Variants in PARVB observed in about 807,000 individuals in gnomAD.
The protein encoded by PARVB is beta-parvin.
In PARVB, 46 loss-of-function variants were observed where a neutral mutation model predicts 47.0. The observed-to-expected ratio is 0.98, with a 90% CI of 0.77 to 1.25. PARVB has a LOEUF of 1.25. PARVB is among the 50% of genes most tolerant of loss of function. The pLI is 0.00. For missense variants in PARVB, 473 were observed against 471.6 expected, an observed-to-expected ratio of 1.00 and a Z score of -0.03; for synonymous variants, 196 against 196.3, an observed-to-expected ratio of 1.00 and a Z score of 0.01.
At chr22:44,162,997 C>G (rs1461828173) in intron 11 of PARVB, 4 of 152,408 alleles carry the variant, frequency 2.6e-5, no homozygotes, top group African/African-American at 9.6e-5. Flanking sequence ...GACTTCCGTT[C>G]TGACTGGTCC....
At chr22:44,013,646 T>C (rs916307754) in intron 2 of PARVB, among the ~76,000 whole-genome samples, 6 of 152,190 alleles carry the variant, frequency 3.9e-5, no homozygotes, top group African/African-American at 1.4e-4. Context: ...TGTTCTTTTT[T>C]TTTCTGGATG....
chr22:44,136,181 T>A (rs1275041038), intron 6 of PARVB, among the ~76,000 whole-genome samples: 1 of 151,992 alleles, frequency 6.6e-6, no homozygotes, highest in Non-Finnish European at 1.5e-5. Context: ...CTGGGGTGTT[T>A]CTCCTGAGAC....
At chr22:44,130,627 T>C (rs1325447368) in intron 4 of PARVB, among the ~76,000 whole-genome samples, 1 of 152,178 alleles carries the variant, frequency 6.6e-6, no homozygotes. Context: ...AATGGGAGCC[T>C]CAGGTGTGTG....
chr22:44,062,667 A>C (rs1352268384), intron 1 of PARVB, among the ~76,000 whole-genome samples: 2 of 151,786 alleles, frequency 1.3e-5, no homozygotes, highest in African/African-American at 4.8e-5. Context: ...TCAGGGAAAC[A>C]CTGCATTTGT....
At chr22:44,140,307 T>C in intron 8 of PARVB, 164 bp downstream of exon 8, 1 of 760,312 alleles carries the variant, frequency 1.3e-6, no homozygotes, top group Non-Finnish European at 2.4e-6. Flanking sequence ...CACCCCCACC[T>C]TTCTGTATAA....
intron 1 of PARVB, among the ~76,000 whole-genome samples, chr22:44,073,952 G>A (rs1429902572): frequency 1.3e-5 from 2 of 152,260 alleles, no homozygotes; most frequent in Non-Finnish European, 2.9e-5. Flanking sequence ...TGTGTATTTT[G>A]TGCAGCCATT....
chr22:44,085,280 T>C lies in PARVB; in HGVS notation c.113-8648T>C, dbSNP rs566168512. The stretch of plus-strand genomic sequence containing the variant: ...CCACACCCAGCCTTTGCTGTATTGT[T>C]CTGCAACATGGTTTTCTTTTTCTTT... On this transcript the variant is annotated intron_variant, in intron 1 of 12. Transcript: ENST00000338758. Among the ~76,000 whole-genome samples, 44 of 152,214 alleles carry C rather than the reference T, an allele frequency of 2.9e-4. 1 individual carries two copies. Among genetic ancestry groups the C allele is most frequent in the African/African-American group, 1.0e-3 (43 of 41,478 alleles).
At chr22:44,156,553 A>G (rs1277370939) in intron 10 of PARVB, among the ~76,000 whole-genome samples, 1 of 152,200 alleles carries the variant, frequency 6.6e-6, no homozygotes, top group Non-Finnish European at 1.5e-5. Context: ...CTAGGATTAC[A>G]GGCGTGAGCC....
intron 1 of PARVB, among the ~76,000 whole-genome samples, chr22:44,025,117 C>T (rs531528517): frequency 6.6e-6 from 1 of 152,044 alleles, no homozygotes; most frequent in African/African-American, 2.4e-5. Context: ...CTGGAATTTT[C>T]TGCTTGGGTG....
intron 2 of PARVB, among the ~76,000 whole-genome samples, chr22:44,006,407 C>T (rs766717823): frequency 1.2e-4 from 19 of 152,198 alleles, no homozygotes; most frequent in Non-Finnish European, 1.3e-4. Flanking sequence ...GGGCAGATCA[C>T]GGGGTCAGGA....
intron 1 of PARVB, among the ~76,000 whole-genome samples, chr22:44,076,527 T>C (rs957131837): frequency 3.9e-5 from 6 of 152,226 alleles, no homozygotes; most frequent in Non-Finnish European, 8.8e-5. Flanking sequence ...CAGGAAGTTT[T>C]TCCACAAATA....
At chr22:44,148,060 CA>C in intron 9 of PARVB, 138 bp downstream of exon 9, 1 of 730,854 alleles carries the variant, frequency 1.4e-6, no homozygotes, top group Non-Finnish European at 2.4e-6. Context: ...AATGTAATTA[CA>C]GTCAAAAACC....
intron 2 of PARVB, chr22:43,999,691 A>G (rs988029968): frequency 1.4e-5 from 23 of 1,593,268 alleles, no homozygotes; most frequent in Non-Finnish European, 2.0e-5. Flanking sequence ...TTGGGGGAAA[A>G]ACTGTCAGAA....
At chr22:44,156,922 T>G (rs977045964) in intron 10 of PARVB, among the ~76,000 whole-genome samples, 1 of 152,096 alleles carries the variant, frequency 6.6e-6, no homozygotes, top group South Asian at 2.1e-4. Context: ...TTTGGTAACA[T>G]GAAGAAGTTC....
chr22:44,136,458 A>G lies in PARVB; in HGVS notation c.634-2A>G, dbSNP rs112423258. ...TTTGTATGTTTATTTTGGGGTTTTC[A>G]GAAACGGGAAGGCCTGCTGCATTCC... On this transcript the variant is annotated splice_acceptor_variant, in intron 6 of 12. Transcript: ENST00000338758. LOFTEE classifies it high-confidence loss of function. The G allele has an allele frequency of 1.9e-6, 3 of 1,613,880 alleles. No homozygotes were observed. Among genetic ancestry groups the G allele is most frequent in the Non-Finnish European group, 2.5e-6 (3 of 1,179,838 alleles).
At chr22:44,122,091 T>A (rs2053060960) in intron 4 of PARVB, among the ~76,000 whole-genome samples, 1 of 152,260 alleles carries the variant, frequency 6.6e-6, no homozygotes, top group Non-Finnish European at 1.5e-5. Context: ...TTTCTCTCTG[T>A]ATTTAGTTTT....
chr22:44,154,491 C>A, intron 10 of PARVB, among the ~76,000 whole-genome samples: 1 of 149,288 alleles, frequency 6.7e-6, no homozygotes, highest in Admixed American at 6.7e-5. Flanking sequence ...TTTATGCAGT[C>A]TGTTGGGGGT....
intron 2 of PARVB, among the ~76,000 whole-genome samples, chr22:44,003,822 G>C (rs1904825564): frequency 1.3e-5 from 2 of 152,202 alleles, no homozygotes; most frequent in Admixed American, 6.5e-5. Flanking sequence ...ACTGCCGTCA[G>C]GTTTACCCTC....
intron 1 of PARVB, among the ~76,000 whole-genome samples, chr22:44,043,744 A>T (rs891233276): frequency 2.0e-5 from 3 of 152,224 alleles, no homozygotes; most frequent in African/African-American, 7.2e-5. Flanking sequence ...CTGGTAAAAA[A>T]AATAGCGTGG....
Sources: gnomAD v4.1 joint callset for allele counts (sites outside exome capture counted in the v4.1 genomes callset) on GRCh38, gnomAD v4.1.1 for gene constraint, MANE v1.5 for transcripts, NCBI Gene and HGNC (gene_info 2026-07-23, HGNC 2026-07-21) for gene names.